SLC22A23: variants seen among roughly 807,000 people sequenced by gnomAD.
The protein encoded by SLC22A23 is ion transporter protein.
In SLC22A23, 26 loss-of-function variants were observed where a neutral mutation model predicts 61.0. That is an observed-to-expected ratio of 0.43 (90% CI 0.31 to 0.59). SLC22A23 has a LOEUF of 0.59. SLC22A23 is among the 20% of genes least tolerant of loss of function. SLC22A23 has a pLI of 0.11. For synonymous variants in SLC22A23, 430 were observed against 413.9 expected (o/e 1.04, Z -0.47); for missense variants, 796 against 934.7 (o/e 0.85, Z 1.94).
At chr6:3,296,724 C>T (rs766267379) in intron 5 of SLC22A23, among the ~76,000 whole-genome samples, 28 of 152,152 alleles carry the variant, frequency 1.8e-4, no homozygotes, top group Non-Finnish European at 4.0e-4. Context: ...CCCCACCCCA[C>T]CCAGCACGTG....
At chr6:3,432,500 T>C (rs989963362) in intron 1 of SLC22A23, among the ~76,000 whole-genome samples, 8 of 152,182 alleles carry the variant, frequency 5.3e-5, no homozygotes, top group African/African-American at 1.9e-4. Flanking sequence ...TCCTTCTAGC[T>C]CTCCGCTTTG....
chr6:3,291,857 T>C (rs1341158179), intron 5 of SLC22A23: 2 of 152,150 alleles, frequency 1.3e-5, no homozygotes, highest in Admixed American at 1.3e-4. Flanking sequence ...GTTTAAAGTT[T>C]TAAAAAGTAT....
chr6:3,386,478 G>C lies in SLC22A23; in HGVS notation c.913+23710C>G, dbSNP rs192747361. Among the ~76,000 whole-genome samples, 1 of 152,198 alleles carries C rather than the reference G, an allele frequency of 6.6e-6. No homozygotes were observed. Among genetic ancestry groups the C allele is most frequent in the Admixed American group, 6.5e-5 (1 of 15,292 alleles). ...CAAGAAGTTGGCTTCTCTGGAAAGT[G>C]GGGGAGGGTCTGAATAAAGCAGCCA... On this transcript the variant is annotated intron_variant, in intron 3 of 9. Coordinates refer to ENST00000406686, the MANE Select transcript of SLC22A23 (RefSeq NM_015482.2). This position sits in a 1 kb window ranked among gnomAD's most constrained non-coding sequence, Gnocchi z 4.4.
intron 3 of SLC22A23, among the ~76,000 whole-genome samples, chr6:3,397,802 G>A (rs891127319): frequency 6.6e-6 from 1 of 152,158 alleles, no homozygotes; most frequent in African/African-American, 2.4e-5. Context: ...AAGATTCACT[G>A]TAGCTACTAG....
intron 9 of SLC22A23, chr6:3,282,449 G>A (rs898440338): frequency 3.3e-6 from 2 of 611,832 alleles, no homozygotes; most frequent in South Asian, 3.8e-5. Flanking sequence ...GAATCAAAAA[G>A]TGTGGACGTG....
chr6:3,346,107 A>C (rs1031323126), intron 3 of SLC22A23, among the ~76,000 whole-genome samples: 3 of 152,156 alleles, frequency 2.0e-5, no homozygotes, highest in Admixed American at 2.0e-4. Context: ...GTGCCAGTGA[A>C]ACTTTTCCTG....
At chr6:3,273,557 A>G in intron 9 of SLC22A23, 145 bp from the exon 10 acceptor site, 1 of 764,422 alleles carries the variant, frequency 1.3e-6, no homozygotes, top group East Asian at 2.7e-5. Context: ...CACACGTCCC[A>G]TGTCACCAGC....
chr6:3,443,130 C>T (rs532301785), intron 1 of SLC22A23, among the ~76,000 whole-genome samples: 1 of 152,156 alleles, frequency 6.6e-6, no homozygotes, highest in Non-Finnish European at 1.5e-5. Context: ...ACATGAAGTA[C>T]AATGGAGGAG....
At chr6:3,331,068 G>A (rs962186935) in intron 3 of SLC22A23, among the ~76,000 whole-genome samples, 1 of 152,196 alleles carries the variant, frequency 6.6e-6, no homozygotes, top group African/African-American at 2.4e-5. Context: ...CACAATGACT[G>A]TATTATGTAG....
rs903525421 is a variant in SLC22A23, at chr6:3,337,083, C to T, written c.914-13081G>A. Among the ~76,000 whole-genome samples, 10 of 152,290 alleles carry T rather than the reference C, an allele frequency of 6.6e-5. No homozygotes were observed. In the East Asian group the frequency reaches 1.7e-3, roughly 26 times the overall value. On this transcript the variant is annotated intron_variant, in intron 3 of 9. Transcript: ENST00000406686. ...TCAGCCTCCCAAAGTGCTGGAATTACAGGTGTGAGCCACCACTCCTGGCAG... is the reference window on the plus strand; with the variant it reads ...TCAGCCTCCCAAAGTGCTGGAATTATAGGTGTGAGCCACCACTCCTGGCAG...
intron 3 of SLC22A23, among the ~76,000 whole-genome samples, chr6:3,389,699 T>C (rs1288587527): frequency 6.6e-6 from 1 of 152,252 alleles, no homozygotes; most frequent in African/African-American, 2.4e-5. Flanking sequence ...CTCATGGAGA[T>C]GGCCTAGAGC....
intron 1 of SLC22A23, among the ~76,000 whole-genome samples, chr6:3,422,270 T>C (rs2127530680): frequency 6.6e-6 from 1 of 152,272 alleles, no homozygotes; most frequent in East Asian, 1.9e-4. Flanking sequence ...CAGTGTTTTA[T>C]ATACCATGGA....
At chr6:3,425,381 T>A (rs1303361782) in intron 1 of SLC22A23, among the ~76,000 whole-genome samples, 1 of 148,404 alleles carries the variant, frequency 6.7e-6, no homozygotes, top group Non-Finnish European at 1.5e-5. Flanking sequence ...GCCTCCCAGA[T>A]TCACACCATT....
chr6:3,405,693 G>T (rs1768779389), intron 3 of SLC22A23, among the ~76,000 whole-genome samples: 1 of 151,292 alleles, frequency 6.6e-6, no homozygotes, highest in Non-Finnish European at 1.5e-5. Flanking sequence ...TAAGTTGCAA[G>T]GAATATTAGT....
At chr6:3,399,464 G>A (rs1481293024) in intron 3 of SLC22A23, among the ~76,000 whole-genome samples, 1 of 152,112 alleles carries the variant, frequency 6.6e-6, no homozygotes, top group Non-Finnish European at 1.5e-5. Context: ...TTCTCACACA[G>A]CCACATCGCA....
chr6:3,323,372 C>CA (rs1341110926), intron 4 of SLC22A23: 1 of 457,244 alleles, frequency 2.2e-6, no homozygotes, highest in African/African-American at 2.0e-5. Context: ...TTTACAAAAA[C>CA]AGACAGTGGG....
At chr6:3,448,798 C>A (rs1389274330) in intron 1 of SLC22A23, among the ~76,000 whole-genome samples, 1 of 152,208 alleles carries the variant, frequency 6.6e-6, no homozygotes, top group Non-Finnish European at 1.5e-5. Context: ...CCAGCCCCCA[C>A]CATGTTTTTA....
chr6:3,301,419 T>C (rs1761596891), intron 4 of SLC22A23, among the ~76,000 whole-genome samples: 1 of 152,244 alleles, frequency 6.6e-6, no homozygotes, highest in Non-Finnish European at 1.5e-5. Flanking sequence ...TATATGAATA[T>C]ATATAAATAC....
At chr6:3,403,256 A>C (rs1175096708) in intron 3 of SLC22A23, among the ~76,000 whole-genome samples, 1 of 152,088 alleles carries the variant, frequency 6.6e-6, no homozygotes, top group East Asian at 1.9e-4. Flanking sequence ...AAACAAAACA[A>C]AGTCAGCCCA....
Sources: allele counts gnomAD v4.1 joint callset (sites outside exome capture counted in the v4.1 genomes callset), GRCh38; gene constraint gnomAD v4.1.1; non-coding constraint Gnocchi (gnomAD v3.1); transcripts MANE v1.5; gene names NCBI Gene and HGNC (gene_info 2026-07-23, HGNC 2026-07-21).